Variants in ARFGEF2 observed in about 807,000 individuals in gnomAD.
ARFGEF2 encodes brefeldin A-inhibited guanine nucleotide-exchange protein 2.
In ARFGEF2, 74 loss-of-function variants were observed where a neutral mutation model predicts 219.9. The ratio of observed to expected loss-of-function variants is 0.34; its 90% CI spans 0.28 to 0.41. ARFGEF2 has a LOEUF of 0.41. Among genes scored for constraint, ARFGEF2 ranks in the 10% least tolerant of loss-of-function variants. ARFGEF2 has a pLI of 1.00. For missense variants in ARFGEF2, 1,743 were observed against 2,218.3 expected (o/e 0.79, Z 4.30); for synonymous variants, 733 against 799.2 (o/e 0.92, Z 1.40).
intron 1 of ARFGEF2, among the ~76,000 whole-genome samples, chr20:48,930,355 G>A (rs936842057): frequency 6.6e-6 from 1 of 152,238 alleles, no homozygotes; most frequent in Admixed American, 6.5e-5. Flanking sequence ...AGTTTTGGTA[G>A]GGACATTCAA....
chr20:48,989,646 C>G lies in ARFGEF2; in HGVS notation c.2776C>G (p.Arg926Gly), dbSNP rs773569365. The G allele has an allele frequency of 1.2e-6, 2 of 1,614,162 alleles. No individual in the cohort carries two copies. Among genetic ancestry groups the G allele is most frequent in the Admixed American group, 3.3e-5 (2 of 60,026 alleles). The part of the protein sequence containing the change: ...EVASLCLEGI[R>G]CAIRIACIFG... ...GGCCTCCTTGTGTTTGGAAGGCATC[C>G]GATGTGCAATCCGAATCGCCTGCAT... is the stretch of plus-strand genomic sequence containing the variant. Residue 926 changes from arginine to glycine, a missense_variant, in exon 20 of 39, where the codon CGA becomes GGA. Transcript: ENST00000371917.
intron 38 of ARFGEF2, among the ~76,000 whole-genome samples, chr20:49,032,475 T>A (rs911605133): frequency 3.3e-5 from 5 of 152,196 alleles, no homozygotes; most frequent in African/African-American, 7.2e-5. Context: ...GCACCAGTTT[T>A]GACCTAGGAA....
chr20:48,935,933 T>C (rs1600588587), intron 1 of ARFGEF2, among the ~76,000 whole-genome samples: 1 of 104,748 alleles, frequency 9.5e-6, no homozygotes, highest in Admixed American at 8.8e-5. Context: ...ATGGGGCGGC[T>C]GGCCGGGGGG....
At chr20:49,003,215 G>A (rs922086819) in intron 25 of ARFGEF2, among the ~76,000 whole-genome samples, 1 of 150,754 alleles carries the variant, frequency 6.6e-6, no homozygotes, top group African/African-American at 2.4e-5. Flanking sequence ...TGATCCTCCC[G>A]CCTGAGCCTC....
chr20:49,005,018 T>G (rs1422526929), intron 25 of ARFGEF2, 52 bp from the exon 26 acceptor site: 2 of 1,610,210 alleles, frequency 1.2e-6, no homozygotes, highest in Non-Finnish European at 1.7e-6. Flanking sequence ...GAGACCCACG[T>G]CGGTCATTAT....
At chr20:49,010,431 A>G in intron 27 of ARFGEF2, 27 bp downstream of exon 27, 1 of 1,611,342 alleles carries the variant, frequency 6.2e-7, no homozygotes, top group African/African-American at 1.3e-5. Context: ...CCTCCCTACT[A>G]ATGTCCCACC....
At chr20:48,948,174 C>A (rs544765873) in intron 3 of ARFGEF2, among the ~76,000 whole-genome samples, 18 of 152,182 alleles carry the variant, frequency 1.2e-4, no homozygotes, top group Non-Finnish European at 2.5e-4. Context: ...CTTGGGCCAC[C>A]AGCCCCAAAC....
At chr20:48,933,679 T>C (rs1248013859) in intron 1 of ARFGEF2, among the ~76,000 whole-genome samples, 2 of 152,190 alleles carry the variant, frequency 1.3e-5, no homozygotes, top group Non-Finnish European at 2.9e-5. Flanking sequence ...CCACCTGCTG[T>C]GTGCCAGCTG....
chr20:48,985,168 G>A lies in ARFGEF2; in HGVS notation c.2071-240G>A, dbSNP rs6125512. Among the ~76,000 whole-genome samples the A allele has an allele frequency of 0.11, 15,709 of 137,686 alleles. 945 individuals are homozygous for A. The highest frequency in any genetic ancestry group is 0.14 in the Middle Eastern group (32 of 226). 90.3% of individuals were successfully genotyped at this position (137,686 alleles called of 152,430 possible). On this transcript the variant is annotated intron_variant, in intron 15 of 38. Coordinates refer to ENST00000371917, the MANE Select transcript of ARFGEF2 (RefSeq NM_006420.3). The stretch of plus-strand genomic sequence containing the variant: ...GCAACTAACCTCCTTAGTGTGCCCC[G>A]TCATTCTCTCCATTTTAAGTCTCTT...
At chr20:49,010,432 A>G (rs1308370714) in intron 27 of ARFGEF2, 28 bp downstream of exon 27, 2 of 1,610,846 alleles carry the variant, frequency 1.2e-6, no homozygotes, top group African/African-American at 1.3e-5. Flanking sequence ...CTCCCTACTA[A>G]TGTCCCACCT....
chr20:48,940,327 T>G (rs2090985656), intron 1 of ARFGEF2, among the ~76,000 whole-genome samples: 1 of 152,238 alleles, frequency 6.6e-6, no homozygotes, highest in African/African-American at 2.4e-5. Context: ...AATTTTAGGT[T>G]ATGTATATTT....
intron 1 of ARFGEF2, among the ~76,000 whole-genome samples, chr20:48,923,062 T>A (rs570993359): frequency 6.6e-6 from 1 of 152,188 alleles, no homozygotes; most frequent in South Asian, 2.1e-4. Context: ...AATCAGGTGG[T>A]CAGGAAAGTA....
intron 3 of ARFGEF2, among the ~76,000 whole-genome samples, chr20:48,942,371 C>A (rs958691542): frequency 4.0e-5 from 6 of 151,314 alleles, no homozygotes; most frequent in African/African-American, 1.5e-4. Context: ...GCTGGTCTTA[C>A]ACTTCTGGCC....
intron 33 of ARFGEF2, 57 bp from the exon 34 acceptor site, chr20:49,018,827 T>C: frequency 6.8e-7 from 1 of 1,473,870 alleles, no homozygotes; most frequent in Non-Finnish European, 9.5e-7. Context: ...GGCACATCTC[T>C]GCCCAAATTA....
At chr20:48,964,957 T>TG (rs2091178761) in intron 7 of ARFGEF2, among the ~76,000 whole-genome samples, 2 of 152,252 alleles carry the variant, frequency 1.3e-5, no homozygotes, top group South Asian at 4.1e-4. Context: ...ATGTCTATAC[T>TG]GGGATACAGT....
Position 48,969,173 on chromosome 20 carries a change from G to A in ARFGEF2, c.1086G>A (p.Val362=), listed in dbSNP as rs1470840775. 1.9e-6 allele frequency: 3 copies of A among 1,614,134 alleles called. No individual in the cohort carries two copies. Among genetic ancestry groups the A allele is most frequent in the Admixed American group, 1.7e-5 (1 of 60,018 alleles). The change falls in exon 9 of 39, where the codon GTG becomes GTA. Residue 362 remains valine (V), a synonymous_variant. Coordinates refer to ENST00000371917, the MANE Select transcript of ARFGEF2 (RefSeq NM_006420.3). ...NLESDAQGHQ[V]AARFSHVLQK... ...AATCGGATGCACAAGGACATCAAGT[G>A]GCTGCCAGGTTCTCCCACGTTCTGC...
At chr20:49,011,791 A>T in intron 27 of ARFGEF2, 133 bp from the exon 28 acceptor site, 1 of 1,101,498 alleles carries the variant, frequency 9.1e-7, no homozygotes, top group Non-Finnish European at 1.4e-6. Context: ...AGATACTGAC[A>T]TGCTTTTCTT....
chr20:49,021,635 C>A (rs912290666), intron 34 of ARFGEF2, among the ~76,000 whole-genome samples: 1 of 151,386 alleles, frequency 6.6e-6, no homozygotes, highest in African/African-American at 2.4e-5. Context: ...ATCATGAGGT[C>A]AGGAGTTCAA....
chr20:49,033,002 CTGTT>C lies in ARFGEF2; in HGVS notation c.5182-19_5182-16del. 6.2e-7 allele frequency: 1 copy of C among 1,609,866 alleles called. No individual in the cohort carries two copies. On this transcript the variant is annotated splice_polypyrimidine_tract_variant and intron_variant, in intron 38 of 38. Transcript: ENST00000371917. ...AAAAAAAAAAATTGTCTAATTTTAT[CTGTT>C]TCTCTCCCACCTCAAGTTCAAAGCA...
Sources: gnomAD v4.1 joint callset for allele counts (sites outside exome capture counted in the v4.1 genomes callset) on GRCh38, gnomAD v4.1.1 for gene constraint, MANE v1.5 for transcripts, NCBI Gene and HGNC (gene_info 2026-07-23, HGNC 2026-07-21) for gene names.